The following LYST variants were observed in gnomAD, a reference collection of about 807,000 sequenced individuals.
The protein encoded by LYST is lysosomal-trafficking regulator.
LYST carries 192 observed loss-of-function variants against 413.6 expected under a neutral mutation model. The observed-to-expected ratio is 0.46, with a 90% CI of 0.41 to 0.52. The LOEUF is 0.52. Ranked by LOEUF, LYST falls within the 20% of genes least tolerant of loss-of-function variation. The pLI, the probability that LYST is intolerant of heterozygous loss-of-function variation, is 0.00. For missense variants in LYST, 3,815 were observed against 4,499.9 expected, an observed-to-expected ratio of 0.85 and a Z score of 4.35; for synonymous variants, 1,525 against 1,567.3, an observed-to-expected ratio of 0.97 and a Z score of 0.64.
intron 28 of LYST, among the ~76,000 whole-genome samples, chr1:235,749,817 T>C (rs544611737): frequency 5.3e-5 from 8 of 152,294 alleles, no homozygotes; most frequent in African/African-American, 1.9e-4. Context: ...CGTAGGGCTC[T>C]AAGGCTCAAG....
At chr1:235,727,482 A>G (rs1663990099) in intron 38 of LYST, among the ~76,000 whole-genome samples, 1 of 152,088 alleles carries the variant, frequency 6.6e-6, no homozygotes, top group Admixed American at 6.5e-5. Flanking sequence ...CTCATTTAGT[A>G]TATCCTTAGG....
intron 45 of LYST, among the ~76,000 whole-genome samples, chr1:235,700,011 G>A (rs1661417544): frequency 6.6e-6 from 1 of 152,144 alleles, no homozygotes; most frequent in Non-Finnish European, 1.5e-5. Flanking sequence ...TTAATAAGTG[G>A]TGCTGGGAAA....
intron 22 of LYST, among the ~76,000 whole-genome samples, chr1:235,761,500 C>T (rs3768058): frequency 0.5 from 76,116 of 152,038 alleles, 22,495 homozygotes; most frequent in African/African-American, 0.82. Context: ...GACTTGAATA[C>T]ACTTACTATG....
chr1:235,803,093 A>C, intron 7 of LYST, 29 bp from the exon 8 acceptor site: 1 of 1,590,868 alleles, frequency 6.3e-7, no homozygotes, highest in Non-Finnish European at 8.6e-7. Flanking sequence ...CAAAGGTTGT[A>C]ACATTTGCTT....
At chr1:235,841,363 A>G (rs1431770313) in intron 1 of LYST, among the ~76,000 whole-genome samples, 2 of 152,074 alleles carry the variant, frequency 1.3e-5, no homozygotes, top group Non-Finnish European at 2.9e-5. Context: ...GAAGAACCGT[A>G]TTTTTAGGCT....
intron 12 of LYST, among the ~76,000 whole-genome samples, chr1:235,789,233 C>G (rs535915260): frequency 2.0e-4 from 31 of 152,116 alleles, no homozygotes; most frequent in African/African-American, 6.8e-4. Context: ...ACTACCAAAA[C>G]TCATTCTAGA....
intron 29 of LYST, among the ~76,000 whole-genome samples, chr1:235,744,627 C>T (rs893006443): frequency 3.3e-5 from 5 of 151,080 alleles, no homozygotes; most frequent in African/African-American, 7.3e-5. Context: ...ATGCTGGGGA[C>T]GATGGCTCAT....
rs189965982 is a variant in LYST at position 235,741,177 on chromosome 1, T to G, written c.8358+245A>C. On this transcript the variant is annotated intron_variant, in intron 31 of 52. Coordinates refer to ENST00000389793, the MANE Select transcript of LYST (RefSeq NM_000081.4). ...ATGTGTTAACACATTACAAAGTTTC[T>G]GACAGAAACTCTGAAACAGAACTTC... Among the ~76,000 whole-genome samples, 41 of 152,352 alleles carry G rather than the reference T, an allele frequency of 2.7e-4. No individual in the cohort carries two copies. The East Asian group carries it at 7.3e-3, about 27-fold the overall frequency.
At position 235,774,925 on chromosome 1, in the gene LYST, A is replaced by C. The variant is rs1451185985; in HGVS notation, c.5622T>G (p.Phe1874Leu). The change falls in exon 18 of 53, where the codon TTT becomes TTG. Residue 1874 changes from phenylalanine (F) to leucine (L), a missense_variant. Phe to Leu is a conservative substitution (Grantham distance 22). This residue lies in a region of LYST where 530 missense variants were observed against 696.5 expected (regional missense o/e 0.76). Coordinates refer to ENST00000389793, the MANE Select transcript of LYST (RefSeq NM_000081.4). ...TATGAAGACATACCTTCAAAATGTA[A>C]AACCCAACAATGCATTTTTGTTTGA... ...VLIKQKCIVG[F>L]YILKTLLEGC... The C allele has an allele frequency of 6.2e-7, 1 of 1,608,254 alleles. No individual in the cohort carries two copies. The highest frequency in any genetic ancestry group is 1.1e-5 in the South Asian group (1 of 90,896).
intron 40 of LYST, among the ~76,000 whole-genome samples, chr1:235,720,449 T>C (rs780032285): frequency 7.2e-5 from 11 of 152,198 alleles, no homozygotes; most frequent in Non-Finnish European, 1.2e-4. Context: ...ACAAGATGTC[T>C]GCAATTTGCC....
intron 50 of LYST, among the ~76,000 whole-genome samples, chr1:235,668,990 C>T (rs1007884571): frequency 6.6e-6 from 1 of 152,172 alleles, no homozygotes; most frequent in Non-Finnish European, 1.5e-5. Context: ...GAAGATATTA[C>T]TTCTCCTGAA....
In LYST at chr1:235,716,601, T is replaced by C. The variant is rs1189215522; in HGVS notation, c.9627+111A>G. On this transcript the variant is annotated intron_variant, in intron 41 of 52. Transcript: ENST00000389793. Reference sequence around the variant, plus strand: ...ATTTCTAGTTGTCTGTCAATCCTAGTACAAGAAGGTAAAAAATCCATAGTA... The same window carrying C: ...ATTTCTAGTTGTCTGTCAATCCTAGCACAAGAAGGTAAAAAATCCATAGTA... The C allele has an allele frequency of 5.8e-6, 4 of 694,190 alleles. No homozygotes were observed. The South Asian group carries it at 6.9e-5, about 12-fold the overall frequency. 43.0% of individuals were successfully genotyped at this position (694,190 alleles called of 1,614,324 possible). A position where few individuals can be genotyped will look rare whatever the true frequency, so the allele number is the denominator to read the frequency against.
intron 47 of LYST, among the ~76,000 whole-genome samples, chr1:235,689,824 T>TA (rs1660515123): frequency 6.6e-6 from 1 of 152,166 alleles, no homozygotes; most frequent in Admixed American, 6.5e-5. Flanking sequence ...TAGAAAAAAA[T>TA]AAAAATAAGA....
chr1:235,762,841 G>A lies in LYST; in HGVS notation c.6132C>T (p.Ile2044=). ...FYFSLHIDGK[I]FQEKVRSIMY... is the part of the protein sequence containing the mutation. ...TGATTGACCGCACTTTCTCCTGAAA[G>A]ATCTTGCCATCTAGAATCCAAATTT... The change falls in exon 22 of 53, where the codon ATC becomes ATT. Residue 2044 remains isoleucine, a synonymous_variant. Coordinates refer to ENST00000389793, the MANE Select transcript of LYST (RefSeq NM_000081.4). The A allele has an allele frequency of 1.2e-6, 2 of 1,613,318 alleles. No homozygotes were observed. Among genetic ancestry groups the A allele is most frequent in the Non-Finnish European group, 1.7e-6 (2 of 1,179,552 alleles).
At chr1:235,859,086 T>C (rs1679558041) in intron 1 of LYST, among the ~76,000 whole-genome samples, 1 of 152,222 alleles carries the variant, frequency 6.6e-6, no homozygotes. Context: ...GCAGATAATC[T>C]TGCTTCACAG....
chr1:235,739,051 T>C, intron 31 of LYST: 1 of 631,574 alleles, frequency 1.6e-6, no homozygotes, highest in Non-Finnish European at 3.0e-6. Context: ...TTGGAGGTTG[T>C]GCATATTGTC....
intron 1 of LYST, among the ~76,000 whole-genome samples, chr1:235,851,868 AT>A (rs1312207932): frequency 1.3e-5 from 2 of 152,176 alleles, no homozygotes; most frequent in African/African-American, 4.8e-5. Flanking sequence ...GAATAAGAAA[AT>A]TCATGAAAAC....
At chr1:235,765,274 C>A (rs1232217364) in intron 21 of LYST, among the ~76,000 whole-genome samples, 3 of 152,188 alleles carry the variant, frequency 2.0e-5, no homozygotes. Flanking sequence ...AAACTTCCCA[C>A]TTCTCAATTT....
chr1:235,678,018 T>C (rs537454215), intron 48 of LYST, among the ~76,000 whole-genome samples: 2 of 152,318 alleles, frequency 1.3e-5, no homozygotes, highest in African/African-American at 2.4e-5. Context: ...CTATCCTTCA[T>C]TGATAGACAC....
Sources: gnomAD v4.1 joint callset for allele counts (sites outside exome capture counted in the v4.1 genomes callset) on GRCh38, gnomAD v4.1.1 for gene constraint, gnomAD v4.1.1 regional missense constraint, MANE v1.5 for transcripts, NCBI Gene and HGNC (gene_info 2026-07-23, HGNC 2026-07-21) for gene names.